RETREG1: variants seen among roughly 807,000 people sequenced by gnomAD.
RETREG1 encodes reticulophagy regulator 1, also known as family with sequence similarity 134 member B.
In RETREG1, 44 loss-of-function variants were observed where a neutral mutation model predicts 54.8. The observed-to-expected ratio is 0.80, with a 90% confidence interval of 0.63 to 1.03. The LOEUF (loss-of-function observed/expected upper bound fraction) is 1.03. Among genes scored for constraint, RETREG1 ranks in the 50% least tolerant of loss-of-function variants. RETREG1 has a pLI of 0.00. For missense variants in RETREG1, 554 were observed against 605.1 expected, an observed-to-expected ratio of 0.92 and a Z score of 0.89; for synonymous variants, 217 against 238.5, an observed-to-expected ratio of 0.91 and a Z score of 0.83.
At chr5:16,579,608 A>G (rs922744066) in intron 1 of RETREG1, among the ~76,000 whole-genome samples, 16 of 152,254 alleles carry the variant, frequency 1.1e-4, no homozygotes, top group African/African-American at 3.6e-4. Context: ...TCCTCCATCT[A>G]TTCATCCCTG....
At chr5:16,488,656 C>T (rs1739112400) in intron 3 of RETREG1, among the ~76,000 whole-genome samples, 2 of 152,146 alleles carry the variant, frequency 1.3e-5, no homozygotes, top group Non-Finnish European at 2.9e-5. Context: ...CCAAGAATGA[C>T]ACCTAGTCCC....
chr5:16,601,118 G>GTGACTC (rs1743040528), intron 1 of RETREG1, among the ~76,000 whole-genome samples: 2 of 152,196 alleles, frequency 1.3e-5, no homozygotes, highest in Non-Finnish European at 2.9e-5. Flanking sequence ...TGTAATCTCA[G>GTGACTC]TGACTCAGGA....
chr5:16,585,564 C>T lies in RETREG1; in HGVS notation c.321-13462G>A, dbSNP rs62371269. 0.054 allele frequency among the ~76,000 whole-genome samples: 8,184 copies of T among 152,194 alleles called. 238 individuals are homozygous for T. The highest frequency in any genetic ancestry group is 0.065 in the African/African-American group (2,708 of 41,514). ...CTGGTCACAGCAGGGAAGGGGACTT[C>T]GAGGCAGGGCGGGTGAGTCAAGTTC... is the stretch of plus-strand genomic sequence containing the variant. On this transcript the variant is annotated intron_variant, in intron 1 of 8. Transcript: ENST00000306320. This position sits in a 1 kb window ranked among gnomAD's most constrained non-coding sequence, Gnocchi z 4.5.
Position 16,616,663 on chromosome 5 carries a change from G to A in RETREG1, c.309C>T (p.Asn103=). ...LRSLLGFVAA[N]LLFWFLALTP... is the part of the protein sequence containing the mutation. The stretch of plus-strand genomic sequence containing the variant: ...GCCCAAGCTCTCACCAGAACAGCAG[G>A]TTGGCAGCGACGAAGCCGAGCAGGC... Residue 103 remains asparagine, a synonymous_variant, in exon 1 of 9, where the codon AAC becomes AAT. Transcript: ENST00000306320. 1 of 1,595,746 alleles carries A rather than the reference G, an allele frequency of 6.3e-7. No homozygotes were observed.
chr5:16,580,631 C>A (rs897528104), intron 1 of RETREG1, among the ~76,000 whole-genome samples: 1 of 152,128 alleles, frequency 6.6e-6, no homozygotes, highest in African/African-American at 2.4e-5. Flanking sequence ...AATAGCCACA[C>A]ACAGGCTGTC....
chr5:16,607,070 G>A (rs559495484), intron 1 of RETREG1, among the ~76,000 whole-genome samples: 1 of 152,192 alleles, frequency 6.6e-6, no homozygotes, highest in African/African-American at 2.4e-5. Flanking sequence ...TGCTCTTCAG[G>A]TGTCTACTCA....
chr5:16,497,326 A>G lies in RETREG1; in HGVS notation c.459-13854T>C, dbSNP rs148851155. ...CCAGATGAAACAAGTTCTTCTACGG[A>G]AGTTGGATGAAAAATTGTCCTTTGG... On this transcript the variant is annotated intron_variant, in intron 3 of 8. Transcript: ENST00000306320. Among the ~76,000 whole-genome samples the G allele has an allele frequency of 1.3e-4, 20 of 152,296 alleles. No individual in the cohort carries two copies. In the East Asian group the frequency reaches 3.5e-3, roughly 26 times the overall value.
intron 3 of RETREG1, among the ~76,000 whole-genome samples, chr5:16,514,697 C>G (rs1305845061): frequency 6.6e-6 from 1 of 151,872 alleles, no homozygotes; most frequent in East Asian, 1.9e-4. Flanking sequence ...CACCATTCCC[C>G]CCAAGTCCCC....
At chr5:16,559,477 A>C (rs1385620046) in intron 3 of RETREG1, among the ~76,000 whole-genome samples, 1 of 152,202 alleles carries the variant, frequency 6.6e-6, no homozygotes, top group African/African-American at 2.4e-5. Flanking sequence ...CGCTAGGGGC[A>C]TCTGGATTCC....
chr5:16,500,453 T>G (rs896427625), intron 3 of RETREG1, among the ~76,000 whole-genome samples: 5 of 151,998 alleles, frequency 3.3e-5, no homozygotes, highest in African/African-American at 7.3e-5. Flanking sequence ...AGAAGAAGAA[T>G]AATGTCATGT....
intron 3 of RETREG1, among the ~76,000 whole-genome samples, chr5:16,498,699 G>A (rs991538426): frequency 6.6e-6 from 1 of 152,192 alleles, no homozygotes; most frequent in Non-Finnish European, 1.5e-5. Flanking sequence ...GCAACACAGA[G>A]AGACCCTGTC....
intron 1 of RETREG1, among the ~76,000 whole-genome samples, chr5:16,611,396 A>AT (rs1211122990): frequency 6.6e-6 from 1 of 152,160 alleles, no homozygotes; most frequent in African/African-American, 2.4e-5. Flanking sequence ...TAGAACTTGA[A>AT]TAAAAAAAAA....
At chr5:16,536,618 C>G (rs935757733) in intron 3 of RETREG1, among the ~76,000 whole-genome samples, 1 of 152,074 alleles carries the variant, frequency 6.6e-6, no homozygotes, top group African/African-American at 2.4e-5. Context: ...TCTCAACATG[C>G]TGACATTTAT....
rs191758466 is a variant in RETREG1 at position 16,540,123 on chromosome 5, C to T, written c.458+25640G>A. Among the ~76,000 whole-genome samples the T allele has an allele frequency of 6.6e-5, 10 of 152,198 alleles. No homozygotes were observed. In the East Asian group the frequency reaches 1.7e-3, roughly 26 times the overall value. ...TTATCAAAAGCAGTACTTTTGGAAC[C>T]CTTTTTGATGGAGATCTAGGAATCC... On this transcript the variant is annotated intron_variant, in intron 3 of 8. Transcript: ENST00000306320.
chr5:16,564,605 G>A (rs1324643161), intron 3 of RETREG1, among the ~76,000 whole-genome samples: 1 of 152,200 alleles, frequency 6.6e-6, no homozygotes, highest in Non-Finnish European at 1.5e-5. Context: ...CACAGGGCAA[G>A]ACAAATGCCT....
intron 1 of RETREG1, among the ~76,000 whole-genome samples, chr5:16,590,847 C>A (rs1579713464): frequency 6.6e-6 from 1 of 150,840 alleles, no homozygotes; most frequent in African/African-American, 2.4e-5. Flanking sequence ...AACACACATG[C>A]ACACACAAAA....
chr5:16,569,220 G>A (rs1227930347), intron 2 of RETREG1, among the ~76,000 whole-genome samples: 1 of 151,994 alleles, frequency 6.6e-6, no homozygotes, highest in Non-Finnish European at 1.5e-5. Flanking sequence ...GATGAAGCTG[G>A]CACCAGAGTT....
Position 16,533,857 on chromosome 5 carries a change from A to G in RETREG1, c.458+31906T>C, listed in dbSNP as rs147090629. 5.2e-3 allele frequency among the ~76,000 whole-genome samples: 796 copies of G among 152,294 alleles called. 10 individuals are homozygous for G. Among genetic ancestry groups the G allele is most frequent in the African/African-American group, 0.018 (747 of 41,558 alleles). On this transcript the variant is annotated intron_variant, in intron 3 of 8. Coordinates refer to ENST00000306320, the MANE Select transcript of RETREG1 (RefSeq NM_001034850.3). Reference sequence around the variant, plus strand: ...GCAGCCTAGAGCCTTCACCACTGCTATTTTGGAAAGTGGATGTATCGACCA... The same window carrying G: ...GCAGCCTAGAGCCTTCACCACTGCTGTTTTGGAAAGTGGATGTATCGACCA...
At chr5:16,482,109 T>C (rs1375660202) in intron 4 of RETREG1, among the ~76,000 whole-genome samples, 1 of 151,900 alleles carries the variant, frequency 6.6e-6, no homozygotes, top group African/African-American at 2.4e-5. Context: ...TAGTCAAAAG[T>C]AGATTAGATG....
Sources: allele counts gnomAD v4.1 joint callset (sites outside exome capture counted in the v4.1 genomes callset), GRCh38; gene constraint gnomAD v4.1.1; non-coding constraint Gnocchi (gnomAD v3.1); transcripts MANE v1.5; gene names NCBI Gene and HGNC (gene_info 2026-07-23, HGNC 2026-07-21).